Variants in COL23A1 observed in about 807,000 individuals in gnomAD.
The protein encoded by COL23A1 is collagen type XXIII alpha 1 chain, also known as collagen alpha-1(XXIII) chain.
A neutral mutation model predicts 99.3 loss-of-function variants in COL23A1; 97 were observed. The observed-to-expected ratio is 0.98, with a 90% CI of 0.83 to 1.16. COL23A1 has a LOEUF of 1.16. Ranked by LOEUF, COL23A1 falls within the 50% of genes most tolerant of loss-of-function variation. The pLI, the probability that COL23A1 is intolerant of heterozygous loss-of-function variation, is 0.00. For missense variants in COL23A1, 762 were observed against 757.4 expected, an observed-to-expected ratio of 1.01 and a Z score of -0.07; for synonymous variants, 320 against 308.2, an observed-to-expected ratio of 1.04 and a Z score of -0.40.
intron 2 of COL23A1, among the ~76,000 whole-genome samples, chr5:178,383,142 C>T (rs928704196): frequency 1.3e-5 from 2 of 152,096 alleles, no homozygotes; most frequent in African/African-American, 2.4e-5. Flanking sequence ...TGCTGCCTCC[C>T]CCTCCCCCTC....
chr5:178,394,483 C>T (rs1039924234), intron 2 of COL23A1, among the ~76,000 whole-genome samples: 2 of 152,230 alleles, frequency 1.3e-5, no homozygotes, highest in Non-Finnish European at 2.9e-5. Flanking sequence ...ATTGACAGCA[C>T]GGGGTACTTT....
Position 178,306,450 on chromosome 5 carries a change from C to T in COL23A1, c.406+425G>A, listed in dbSNP as rs1374646856. Reference sequence around the variant, plus strand: ...CTGCAGGGAAGGGAGGTGGGGGAGTCTCCTCCTGGCGGCTCTGCCAAGGAA... The same window carrying T: ...CTGCAGGGAAGGGAGGTGGGGGAGTTTCCTCCTGGCGGCTCTGCCAAGGAA... On this transcript the variant is annotated intron_variant, in intron 3 of 28. Coordinates refer to ENST00000390654, the MANE Select transcript of COL23A1 (RefSeq NM_173465.4). This position sits in a 1 kb window ranked among gnomAD's most constrained non-coding sequence, Gnocchi z 4.1. Among the ~76,000 whole-genome samples, 2 of 151,934 alleles carry T rather than the reference C, an allele frequency of 1.3e-5. No homozygotes were observed. The highest frequency in any genetic ancestry group is 2.9e-5 in the Non-Finnish European group (2 of 67,986).
chr5:178,571,219 G>A (rs776375271), intron 1 of COL23A1, among the ~76,000 whole-genome samples: 7 of 151,970 alleles, frequency 4.6e-5, no homozygotes, highest in South Asian at 2.1e-4. Context: ...AAAATTAGCC[G>A]GGCATAGTGG....
intron 1 of COL23A1, among the ~76,000 whole-genome samples, chr5:178,572,315 C>T (rs1763150252): frequency 1.3e-5 from 2 of 151,602 alleles, no homozygotes; most frequent in Non-Finnish European, 1.5e-5. Context: ...TAATTGGAGT[C>T]ACCAAATGAG....
rs192659816 is a variant in COL23A1, at chr5:178,307,301, A to T, written c.362-382T>A. 7.9e-5 allele frequency among the ~76,000 whole-genome samples: 12 copies of T among 152,336 alleles called. No individual in the cohort carries two copies. In the East Asian group the frequency reaches 2.3e-3, roughly 29 times the overall value. On this transcript the variant is annotated intron_variant, in intron 2 of 28. Coordinates refer to ENST00000390654, the MANE Select transcript of COL23A1 (RefSeq NM_173465.4). The surrounding 1 kb of genome is among the most constrained non-coding windows in gnomAD (Gnocchi z 4.2). ...CTTAGGAGGAAAGTAAGGGTGGGTT[A>T]TCTTAGGAAAGCCCTGACAAACGCT...
rs760315323 is a variant in COL23A1 at position 178,313,578 on chromosome 5, G to A, written c.362-6659C>T. Among the ~76,000 whole-genome samples, 4 of 152,146 alleles carry A rather than the reference G, an allele frequency of 2.6e-5. No individual in the cohort carries two copies. The highest frequency in any genetic ancestry group is 6.5e-5 in the Admixed American group (1 of 15,284). On this transcript the variant is annotated intron_variant, in intron 2 of 28. Transcript: ENST00000390654. This position sits in a 1 kb window ranked among gnomAD's most constrained non-coding sequence, Gnocchi z 4.2. The stretch of plus-strand genomic sequence containing the variant: ...AATGGCGGAACTGGAACTGGAACCC[G>A]GGTCTGTGTGACTTCGGAGTCTGTC...
rs1335285223 is a variant in COL23A1 at position 178,255,972 on chromosome 5, A to C, written c.882+381T>G. The C allele has an allele frequency of 4.3e-6, 1 of 232,772 alleles. No homozygotes were observed. Among genetic ancestry groups the C allele is most frequent in the Non-Finnish European group, 9.0e-6 (1 of 110,912 alleles). The allele number at this position is 232,772 out of a possible 1,614,324, so 14.4% of individuals were successfully genotyped here. On this transcript the variant is annotated intron_variant, in intron 15 of 28. Coordinates refer to ENST00000390654, the MANE Select transcript of COL23A1 (RefSeq NM_173465.4). The surrounding 1 kb of genome is among the most constrained non-coding windows in gnomAD (Gnocchi z 4.2). The stretch of plus-strand genomic sequence containing the variant: ...TGCTGTGCTCCTGGTGGCAGGGACA[A>C]ACCTCCCTGTGGGGTGGGGAAAAGG...
chr5:178,326,999 T>G (rs1759722516), intron 2 of COL23A1, among the ~76,000 whole-genome samples: 1 of 152,268 alleles, frequency 6.6e-6, no homozygotes, highest in South Asian at 2.1e-4. Context: ...ATTACAGGCG[T>G]GAGCCACTGC....
chr5:178,528,397 G>C (rs1760439454), intron 2 of COL23A1, among the ~76,000 whole-genome samples: 1 of 152,160 alleles, frequency 6.6e-6, no homozygotes. Flanking sequence ...CCAGGTCACA[G>C]GTTTCAGTGG....
intron 1 of COL23A1, among the ~76,000 whole-genome samples, chr5:178,585,496 A>G (rs77345982): frequency 0.011 from 613 of 54,282 alleles, 21 homozygotes; most frequent in Middle Eastern, 0.047. Flanking sequence ...GCCCTGGATG[A>G]CGCTGGAGTA....
At chr5:178,240,462 G>A (rs1561778321) in intron 27 of COL23A1, among the ~76,000 whole-genome samples, 1 of 152,204 alleles carries the variant, frequency 6.6e-6, no homozygotes, top group Admixed American at 6.5e-5. Flanking sequence ...GCCGCCTACC[G>A]CAGGGCATGG....
chr5:178,296,573 C>T (rs1327178406), intron 3 of COL23A1, among the ~76,000 whole-genome samples: 2 of 151,976 alleles, frequency 1.3e-5, no homozygotes, highest in African/African-American at 2.4e-5. Flanking sequence ...TTTTTTTTTC[C>T]TACCACAGAA....
At chr5:178,345,455 CT>C (rs59360920) in intron 2 of COL23A1, 128 of 181,254 alleles carry the variant, frequency 7.1e-4, no homozygotes, top group Middle Eastern at 4.6e-3. Context: ...TGTATCATCT[CT>C]TTTTTTTTTC....
intron 2 of COL23A1, among the ~76,000 whole-genome samples, chr5:178,498,207 T>C (rs1250376599): frequency 5.0e-4 from 4 of 8,012 alleles, no homozygotes; most frequent in African/African-American, 3.3e-3. Context: ...TTTATTTAAA[T>C]ATATATATAT....
chr5:178,302,730 G>A (rs1758141420), intron 3 of COL23A1, among the ~76,000 whole-genome samples: 1 of 152,174 alleles, frequency 6.6e-6, no homozygotes, highest in Admixed American at 6.5e-5. Flanking sequence ...TCATCCACTG[G>A]TGTTATCACC....
At chr5:178,487,456 A>G (rs948814385) in intron 2 of COL23A1, among the ~76,000 whole-genome samples, 19 of 152,058 alleles carry the variant, frequency 1.2e-4, no homozygotes, top group African/African-American at 4.3e-4. Flanking sequence ...AGTAGCTGAG[A>G]TTACAGGCGT....
At chr5:178,404,208 TG>T (rs1272414459) in intron 2 of COL23A1, among the ~76,000 whole-genome samples, 1 of 152,226 alleles carries the variant, frequency 6.6e-6, no homozygotes, top group Non-Finnish European at 1.5e-5. Flanking sequence ...GATCCCCTTG[TG>T]GGGTACCATG....
At chr5:178,462,483 CACA>C (rs1482623268) in intron 2 of COL23A1, among the ~76,000 whole-genome samples, 7 of 152,088 alleles carry the variant, frequency 4.6e-5, no homozygotes, top group African/African-American at 1.2e-4. Context: ...TTAAATCAGG[CACA>C]ACAAGAGGAA....
chr5:178,422,493 G>A (rs1489646020), intron 2 of COL23A1, among the ~76,000 whole-genome samples: 1 of 152,168 alleles, frequency 6.6e-6, no homozygotes, highest in Non-Finnish European at 1.5e-5. Context: ...AGCTACGTGG[G>A]CAGCTCAGAC....
Sources: gnomAD v4.1 joint callset for allele counts (sites outside exome capture counted in the v4.1 genomes callset) on GRCh38, gnomAD v4.1.1 for gene constraint, Gnocchi (gnomAD v3.1) non-coding constraint, MANE v1.5 for transcripts, NCBI Gene and HGNC (gene_info 2026-07-23, HGNC 2026-07-21) for gene names.